CCSER1: variants seen among roughly 807,000 people sequenced by gnomAD.
CCSER1 encodes coiled-coil serine rich protein 1.
In CCSER1, 41 loss-of-function variants were observed where a neutral mutation model predicts 82.0. The observed-to-expected ratio is 0.50, with a 90% CI of 0.39 to 0.65. The LOEUF (loss-of-function observed/expected upper bound fraction) is 0.65, where lower values mean the gene tolerates loss of function less well. CCSER1 is among the 30% of genes least tolerant of loss of function. The pLI, the probability that CCSER1 is intolerant of heterozygous loss-of-function variation, is 0.00. For synonymous variants in CCSER1, 414 were observed against 383.9 expected, an observed-to-expected ratio of 1.08 and a Z score of -0.92; for missense variants, 1,119 against 1,064.2, an observed-to-expected ratio of 1.05 and a Z score of -0.72.
At position 90,312,950 on chromosome 4, in the gene CCSER1, G is replaced by T; in HGVS notation, c.1412G>T (p.Ser471Ile). 6.3e-7 allele frequency: 1 copy of T among 1,594,576 alleles called. No individual in the cohort carries two copies. Reference protein sequence around the residue: ...RSSSEGTAGSSRMILKPKDGN... With the variant: ...RSSSEGTAGSIRMILKPKDGN... Reference sequence around the variant, plus strand: ...TCGTCAGAAGGCACTGCAGGGAGTAGCAGAATGATTTTGAAACCGAAAGAT... The same window carrying T: ...TCGTCAGAAGGCACTGCAGGGAGTATCAGAATGATTTTGAAACCGAAAGAT... The change falls in exon 3 of 11, where the codon AGC becomes ATC. Residue 471 changes from serine to isoleucine, a missense_variant. Transcript: ENST00000509176.
chr4:91,170,854 G>A (rs1479844106), intron 10 of CCSER1, among the ~76,000 whole-genome samples: 3 of 152,166 alleles, frequency 2.0e-5, no homozygotes, highest in Admixed American at 2.0e-4. Context: ...TAAGGCAGCT[G>A]CTGATACTAT....
At chr4:90,716,516 C>G (rs1284044892) in intron 6 of CCSER1, among the ~76,000 whole-genome samples, 1 of 152,038 alleles carries the variant, frequency 6.6e-6, no homozygotes, top group Non-Finnish European at 1.5e-5. Context: ...GATTTTATAA[C>G]TTGAAACTTC....
intron 10 of CCSER1, among the ~76,000 whole-genome samples, chr4:91,150,723 T>C (rs1228990768): frequency 6.6e-6 from 1 of 151,014 alleles, no homozygotes; most frequent in Non-Finnish European, 1.5e-5. Context: ...AGGCCTTTTC[T>C]GCATCATGTG....
chr4:90,310,376 A>C (rs1171421126), intron 2 of CCSER1, among the ~76,000 whole-genome samples: 1 of 152,224 alleles, frequency 6.6e-6, no homozygotes, highest in East Asian at 1.9e-4. Flanking sequence ...TCTTTGACAT[A>C]TTTTAATTCC....
intron 10 of CCSER1, among the ~76,000 whole-genome samples, chr4:91,436,377 T>C (rs1354366811): frequency 6.6e-6 from 1 of 152,180 alleles, no homozygotes; most frequent in Admixed American, 6.5e-5. Flanking sequence ...TAAGAACTTA[T>C]GAAGAAAGGA....
At chr4:90,301,522 T>C (rs1733107353) in intron 1 of CCSER1, among the ~76,000 whole-genome samples, 1 of 152,200 alleles carries the variant, frequency 6.6e-6, no homozygotes, top group Non-Finnish European at 1.5e-5. Flanking sequence ...AGTAGTATTG[T>C]CTTCAAGTTA....
At chr4:90,600,471 C>T (rs1783900161) in intron 5 of CCSER1, among the ~76,000 whole-genome samples, 1 of 152,132 alleles carries the variant, frequency 6.6e-6, no homozygotes, top group African/African-American at 2.4e-5. Context: ...TGTATATCTT[C>T]TTTAATGAAG....
intron 10 of CCSER1, among the ~76,000 whole-genome samples, chr4:91,195,750 T>C (rs1735354513): frequency 6.6e-6 from 1 of 152,206 alleles, no homozygotes; most frequent in Non-Finnish European, 1.5e-5. Context: ...CTTTCTCATA[T>C]CTATCTCTCA....
intron 9 of CCSER1, among the ~76,000 whole-genome samples, chr4:91,008,038 G>T (rs1038703656): frequency 2.0e-5 from 3 of 152,032 alleles, no homozygotes; most frequent in Admixed American, 1.3e-4. Context: ...CCATGTGTTT[G>T]TATAGTTTCC....
intron 5 of CCSER1, among the ~76,000 whole-genome samples, chr4:90,490,034 C>A (rs1246149200): frequency 3.3e-5 from 5 of 152,130 alleles, no homozygotes; most frequent in African/African-American, 9.7e-5. Flanking sequence ...TGGGTATATA[C>A]CCAGTAATTG....
At position 91,200,667 on chromosome 4, in the gene CCSER1, C is replaced by T. The variant is rs150739823; in HGVS notation, c.2217+114673C>T. On this transcript the variant is annotated intron_variant, in intron 10 of 10. Transcript: ENST00000509176. ...AATCTATGATACGTAATTTTACTAT[C>T]CTGATGTGAAACAAGTAGAGTGGAT... 8.6e-5 allele frequency among the ~76,000 whole-genome samples: 13 copies of T among 151,980 alleles called. No individual in the cohort carries two copies. In the East Asian group the frequency reaches 2.3e-3, roughly 27 times the overall value.
intron 1 of CCSER1, among the ~76,000 whole-genome samples, chr4:90,188,397 C>G (rs1735012334): frequency 6.6e-6 from 1 of 151,750 alleles, no homozygotes; most frequent in African/African-American, 2.4e-5. Context: ...TCATTGTAGT[C>G]TTATATTAAG....
intron 9 of CCSER1, among the ~76,000 whole-genome samples, chr4:90,973,072 A>G (rs1735270995): frequency 6.6e-6 from 1 of 151,768 alleles, no homozygotes; most frequent in African/African-American, 2.4e-5. Context: ...TAGAAGAAAT[A>G]TAGAGGAATG....
chr4:91,173,708 C>G (rs1180566328), intron 10 of CCSER1, among the ~76,000 whole-genome samples: 1 of 151,988 alleles, frequency 6.6e-6, no homozygotes, highest in Non-Finnish European at 1.5e-5. Flanking sequence ...CTCCAGGAAG[C>G]CTGGAATTAG....
chr4:90,216,811 T>C (rs1741121936), intron 1 of CCSER1, among the ~76,000 whole-genome samples: 2 of 152,204 alleles, frequency 1.3e-5, no homozygotes, highest in African/African-American at 4.8e-5. Flanking sequence ...AATTCTGTGA[T>C]AAATGATGTT....
rs1388812287 is a variant in CCSER1, at chr4:90,367,911, A to G, written c.1510-32125A>G. ...ATAATCCTCAACTATTTACTAATAT[A>G]GAAAATTACTGAAAAAAAGAAAAAT... On this transcript the variant is annotated intron_variant, in intron 3 of 10. Transcript: ENST00000509176. Among the ~76,000 whole-genome samples, 2 of 151,966 alleles carry G rather than the reference A, an allele frequency of 1.3e-5. 1 individual carries two copies. The highest frequency in any genetic ancestry group is 2.9e-5 in the Non-Finnish European group (2 of 67,970).
chr4:90,795,794 C>A (rs545388216), intron 7 of CCSER1, among the ~76,000 whole-genome samples: 9 of 152,248 alleles, frequency 5.9e-5, no homozygotes, highest in African/African-American at 2.2e-4. Context: ...TGATGAATCA[C>A]ATTTATTTAT....
chr4:91,122,225 A>G (rs1237586531), intron 10 of CCSER1, among the ~76,000 whole-genome samples: 3 of 151,748 alleles, frequency 2.0e-5, no homozygotes, highest in Non-Finnish European at 4.4e-5. Context: ...GTAAATAGTG[A>G]TGGTTCCTTG....
At chr4:90,646,479 C>T (rs895634135) in intron 6 of CCSER1, among the ~76,000 whole-genome samples, 1 of 152,094 alleles carries the variant, frequency 6.6e-6, no homozygotes, top group African/African-American at 2.4e-5. Context: ...GCATAGATGA[C>T]ATCTATTGCT....
Sources: allele counts gnomAD v4.1 joint callset (sites outside exome capture counted in the v4.1 genomes callset), GRCh38; gene constraint gnomAD v4.1.1; transcripts MANE v1.5; gene names NCBI Gene and HGNC (gene_info 2026-07-23, HGNC 2026-07-21).